Variants in MYO15A observed in about 807,000 individuals in gnomAD.
MYO15A encodes unconventional myosin-XV.
MYO15A carries 308 observed loss-of-function variants against 394.6 expected under a neutral mutation model. The ratio of observed to expected loss-of-function variants is 0.78; its 90% CI spans 0.71 to 0.86. MYO15A has a LOEUF of 0.86. Among genes scored for constraint, MYO15A ranks in the 40% least tolerant of loss-of-function variants. The pLI is 0.00. For missense variants in MYO15A, 4,606 were observed against 4,799.1 expected (o/e 0.96, Z 1.19); for synonymous variants, 1,957 against 2,003.8 (o/e 0.98, Z 0.62).
intron 62 of MYO15A, 29 bp from the exon 63 acceptor site, chr17:18,171,608 AG>A: frequency 6.2e-7 from 1 of 1,613,764 alleles, no homozygotes; most frequent in Non-Finnish European, 8.5e-7. Flanking sequence ...GAGCTCACTC[AG>A]GACCTTTTTC....
At chr17:18,130,982 G>C (rs1372116543) in intron 8 of MYO15A, among the ~76,000 whole-genome samples, 172 bp downstream of exon 8, 1 of 151,928 alleles carries the variant, frequency 6.6e-6, no homozygotes, top group Non-Finnish European at 1.5e-5. Context: ...GTGGTCAGGG[G>C]CTGCTGTGGG....
Position 18,148,841 on chromosome 17 carries a change from A to G in MYO15A, c.6845A>G (p.Tyr2282Cys), listed in dbSNP as rs760771756. 2.7e-5 allele frequency: 44 copies of G among 1,607,286 alleles called. No homozygotes were observed. Among genetic ancestry groups the G allele is most frequent in the Non-Finnish European group, 3.6e-5 (42 of 1,176,958 alleles). ...TGGGCAGAGCTGGCTGGCCACGACT[A>G]CGTGTTAGACCTGGTGTCGGACCTG... ...VQWAELAGHD[Y>C]VLDLVSDLEL... is the part of the protein sequence containing the mutation. Residue 2282 changes from tyrosine to cysteine, a missense_variant, in exon 33 of 66, where the codon TAC becomes TGC. Around this residue, in one of 2 missense-constraint regions of MYO15A, gnomAD observed 2,776 missense variants for 3,109.3 expected, o/e 0.89. Coordinates refer to ENST00000647165, the MANE Select transcript of MYO15A (RefSeq NM_016239.4). The surrounding 1 kb of genome is among the most constrained non-coding windows in gnomAD (Gnocchi z 4.8).
intron 7 of MYO15A, among the ~76,000 whole-genome samples, chr17:18,129,626 C>T (rs555907013): frequency 6.6e-6 from 1 of 152,316 alleles, no homozygotes; most frequent in African/African-American, 2.4e-5. Context: ...GTGCCACGTA[C>T]ACACTAGGCC....
chr17:18,155,477 A>G (rs752163508), intron 47 of MYO15A, 45 bp downstream of exon 47: 1 of 1,531,942 alleles, frequency 6.5e-7, no homozygotes, highest in Non-Finnish European at 9.0e-7. Flanking sequence ...ACTGGGATAC[A>G]GACTGGCATC....
intron 57 of MYO15A, 123 bp from the exon 58 acceptor site, chr17:18,162,462 A>C: frequency 3.7e-6 from 3 of 818,542 alleles, no homozygotes; most frequent in Non-Finnish European, 6.1e-6. Flanking sequence ...CAAATGGGGG[A>C]GTAAATGCCT....
chr17:18,131,304 C>T lies in MYO15A; in HGVS notation c.4104C>T (p.Ser1368=), dbSNP rs1165465479. 4 of 1,614,006 alleles carry T rather than the reference C, an allele frequency of 2.5e-6. No individual in the cohort carries two copies. The highest frequency in any genetic ancestry group is 2.2e-5 in the East Asian group (1 of 44,888). ...CCAAAACCGTCAGGAACGACAACTCCAGCCGCTTTGGGAAGTTTGTGGAAA... is the reference window on the plus strand; with the variant it reads ...CCAAAACCGTCAGGAACGACAACTCTAGCCGCTTTGGGAAGTTTGTGGAAA... ...GNAKTVRNDN[S]SRFGKFVEIF... is the part of the protein sequence containing the mutation. Residue 1368 remains serine (S), a synonymous_variant, in exon 9 of 66, where the codon TCC becomes TCT. Coordinates refer to ENST00000647165, the MANE Select transcript of MYO15A (RefSeq NM_016239.4).
chr17:18,158,269 T>C (rs1181583420), intron 51 of MYO15A: 2 of 590,808 alleles, frequency 3.4e-6, no homozygotes, highest in East Asian at 5.6e-5. Context: ...AGCTGTGACG[T>C]GGCAGTTGCG....
At chr17:18,152,981 G>C (rs554066337) in intron 42 of MYO15A, among the ~76,000 whole-genome samples, 2 of 152,176 alleles carry the variant, frequency 1.3e-5, no homozygotes, top group Admixed American at 1.3e-4. Context: ...CCCCAGCCTC[G>C]GGCAGTGAGA....
chr17:18,121,922 C>G lies in MYO15A; in HGVS notation c.3122C>G (p.Pro1041Arg), dbSNP rs200587502. ...GCACCTCCCAAGGATGTCACTCCCC[C>G]CAAGGATATCACTCCCCCCAAGGAT... The part of the protein sequence containing the change: ...TPAPPKDVTP[P>R]KDITPPKDVL... Residue 1041 changes from proline (P) to arginine (R), a missense_variant, in exon 2 of 66, where the codon CCC (proline) becomes CGC (arginine). Transcript: ENST00000647165. This position sits in a 1 kb window ranked among gnomAD's most constrained non-coding sequence, Gnocchi z 5.3. 25 of 1,613,158 alleles carry G rather than the reference C, an allele frequency of 1.5e-5. No homozygotes were observed. The highest frequency in any genetic ancestry group is 8.8e-5 in the South Asian group (8 of 91,096).
At chr17:18,124,994 GA>G in intron 3 of MYO15A, 173 bp from the exon 4 acceptor site, 1 of 680,186 alleles carries the variant, frequency 1.5e-6, no homozygotes. Context: ...GACAAATGAA[GA>G]AAAAGGCACA....
chr17:18,118,389 G>C (rs2142233901), intron 1 of MYO15A, among the ~76,000 whole-genome samples, 193 bp from the exon 2 acceptor site: 1 of 152,342 alleles, frequency 6.6e-6, no homozygotes, highest in East Asian at 1.9e-4. Context: ...GTCTTCCTCT[G>C]TGAAGCCGAA....
At chr17:18,174,114 A>G (rs1438582531) in intron 65 of MYO15A, among the ~76,000 whole-genome samples, 193 bp downstream of exon 65, 2 of 152,228 alleles carry the variant, frequency 1.3e-5, no homozygotes, top group Non-Finnish European at 2.9e-5. Flanking sequence ...CAGTGGGAAC[A>G]CAGGAAAGGG....
chr17:18,160,061 A>G (rs1266505379), intron 56 of MYO15A, 44 bp downstream of exon 56: 2 of 1,578,644 alleles, frequency 1.3e-6, no homozygotes, highest in East Asian at 4.5e-5. Context: ...CACTGTGTCC[A>G]TGCTCCAGGA....
intron 12 of MYO15A, among the ~76,000 whole-genome samples, chr17:18,135,233 C>T (rs566154434): frequency 1.3e-5 from 2 of 152,276 alleles, no homozygotes; most frequent in East Asian, 1.9e-4. Context: ...TGTAATGGTG[C>T]GATCTCAGCT....
Position 18,151,483 on chromosome 17 carries a change from G to A in MYO15A, c.7743G>A (p.Arg2581=), listed in dbSNP as rs770350592. The A allele has an allele frequency of 2.5e-6, 4 of 1,614,156 alleles. No individual in the cohort carries two copies. The South Asian group carries it at 4.4e-5, about 18-fold the overall frequency. Residue 2581 remains arginine (R), a synonymous_variant, in exon 40 of 66, where the codon AGG becomes AGA. Coordinates refer to ENST00000647165, the MANE Select transcript of MYO15A (RefSeq NM_016239.4). The part of the protein sequence containing the change: ...QPTQQIKNIV[R]QYQQPFRGGR... ...CACAGCAGATCAAGAATATTGTCAG[G>A]CAGTACCAGCAGCCGTTCCGGGGAG...
At position 18,151,800 on chromosome 17, in the gene MYO15A, A is replaced by T. The variant is rs779783771; in HGVS notation, c.7788-46A>T. ...CCTACTGTCAAACTATGTGATGGGAAAGGGAGACTCAGTGTCAACCCACCA... is the reference window on the plus strand; with the variant it reads ...CCTACTGTCAAACTATGTGATGGGATAGGGAGACTCAGTGTCAACCCACCA... On this transcript the variant is annotated intron_variant, in intron 40 of 65. Coordinates refer to ENST00000647165, the MANE Select transcript of MYO15A (RefSeq NM_016239.4). 5 of 1,512,750 alleles carry T rather than the reference A, an allele frequency of 3.3e-6. No homozygotes were observed. The African/African-American group carries it at 6.9e-5, about 21-fold the overall frequency. 93.7% of individuals were successfully genotyped at this position (1,512,750 alleles called of 1,614,324 possible).
intron 7 of MYO15A, among the ~76,000 whole-genome samples, chr17:18,127,824 GA>G (rs533426248): frequency 4.4e-5 from 3 of 68,476 alleles, no homozygotes; most frequent in African/African-American, 1.0e-4. Context: ...GAGGTGGGAA[GA>G]AAAAAAAAGA....
At position 18,159,887 on chromosome 17, in the gene MYO15A, A is replaced by G. The variant is rs769935975; in HGVS notation, c.9304-48A>G. On this transcript the variant is annotated intron_variant, in intron 55 of 65. Coordinates refer to ENST00000647165, the MANE Select transcript of MYO15A (RefSeq NM_016239.4). ...TGTTCTTATGTACCTGGTATATGACATAGCCCCTCACATGTCTTTGGTGTG... is the reference window on the plus strand; with the variant it reads ...TGTTCTTATGTACCTGGTATATGACGTAGCCCCTCACATGTCTTTGGTGTG... 6 of 1,598,230 alleles carry G rather than the reference A, an allele frequency of 3.8e-6. No individual in the cohort carries two copies. The South Asian group carries it at 5.6e-5, about 15-fold the overall frequency.
At position 18,148,227 on chromosome 17, in the gene MYO15A, C is replaced by G. The variant is rs757848011; in HGVS notation, c.6691+17C>G. ...GCTTCAATGGTAAGCTGCCTTCCCC[C>G]ACCTCAGTGAGGGCAGTGGGAGTCA... is the stretch of plus-strand genomic sequence containing the variant. On this transcript the variant is annotated intron_variant, in intron 31 of 65. Coordinates refer to ENST00000647165, the MANE Select transcript of MYO15A (RefSeq NM_016239.4). This position sits in a 1 kb window ranked among gnomAD's most constrained non-coding sequence, Gnocchi z 4.8. The G allele has an allele frequency of 6.2e-7, 1 of 1,613,062 alleles. No individual in the cohort carries two copies. The highest frequency in any genetic ancestry group is 1.1e-5 in the South Asian group (1 of 91,024).
Sources: gnomAD v4.1 joint callset for allele counts (sites outside exome capture counted in the v4.1 genomes callset) on GRCh38, gnomAD v4.1.1 for gene constraint, gnomAD v4.1.1 regional missense constraint, Gnocchi (gnomAD v3.1) non-coding constraint, MANE v1.5 for transcripts, NCBI Gene and HGNC (gene_info 2026-07-23, HGNC 2026-07-21) for gene names.